Variants in TRAPPC6B observed in about 807,000 individuals in gnomAD.
TRAPPC6B encodes trafficking protein particle complex subunit 6B.
TRAPPC6B carries 27 observed loss-of-function variants against 24.7 expected under a neutral mutation model. The observed-to-expected ratio is 1.09, with a 90% CI of 0.81 to 1.51. TRAPPC6B has a LOEUF of 1.51. Among genes scored for constraint, TRAPPC6B ranks in the 40% most tolerant of loss-of-function variants. TRAPPC6B has a pLI of 0.00. For synonymous variants in TRAPPC6B, 80 were observed against 66.6 expected, an observed-to-expected ratio of 1.20 and a Z score of -0.98; for missense variants, 212 against 190.8, an observed-to-expected ratio of 1.11 and a Z score of -0.66.
intron 1 of TRAPPC6B, 31 bp downstream of exon 1, chr14:39,169,984 A>C: frequency 1.2e-6 from 2 of 1,610,340 alleles, no homozygotes; most frequent in Non-Finnish European, 1.7e-6. Context: ...GTCACCGCAA[A>C]AGGACCTCAA....
intron 1 of TRAPPC6B, among the ~76,000 whole-genome samples, chr14:39,164,203 A>G (rs1304054929): frequency 6.6e-6 from 1 of 152,134 alleles, no homozygotes; most frequent in Non-Finnish European, 1.5e-5. Flanking sequence ...AAAAAAAATC[A>G]TGTTATTCTC....
rs571004266 is a variant in TRAPPC6B at position 39,170,149 on chromosome 14, G to T, written c.-54C>A. On this transcript the variant is annotated 5_prime_UTR_variant, in exon 1 of 6. Transcript: ENST00000330149. ...TTTGGCTCCCGTTTGAGCTGGTCTG[G>T]GGGTTCCAGCTCGCGCCTCAGCGAC... is the stretch of plus-strand genomic sequence containing the variant. The T allele has an allele frequency of 2.9e-5, 46 of 1,575,954 alleles. No homozygotes were observed. In the South Asian group the frequency reaches 4.9e-4, roughly 17 times the overall value.
rs1001442072 is a variant in TRAPPC6B at position 39,151,789 on chromosome 14, T to G, written c.402A>C (p.Gly134=). The G allele has an allele frequency of 6.2e-7, 1 of 1,609,424 alleles. No homozygotes were observed. ...CTTCAGCTGTTACAATACTTTTTAT[T>G]CCCAAGTTTGATAAGCCACCTCTGA... is the stretch of plus-strand genomic sequence containing the variant. ...GLIRGGLSNL[G]IKSIVTAEVS... Residue 134 remains glycine (G), a synonymous_variant, in exon 5 of 6, where the codon GGA becomes GGC. Coordinates refer to ENST00000330149, the MANE Select transcript of TRAPPC6B (RefSeq NM_001079537.2).
Position 39,150,120 on chromosome 14 carries a change from T to G in TRAPPC6B, c.*230A>C. ...AAAGGTTTAAAATAAGGGCCCTGCATCTTGGTGTCTGGTTATTTGAAATCC... is the reference window on the plus strand; with the variant it reads ...AAAGGTTTAAAATAAGGGCCCTGCAGCTTGGTGTCTGGTTATTTGAAATCC... On this transcript the variant is annotated 3_prime_UTR_variant, in exon 6 of 6. Coordinates refer to ENST00000330149, the MANE Select transcript of TRAPPC6B (RefSeq NM_001079537.2). 2.3e-6 allele frequency: 1 copy of G among 436,458 alleles called. No individual in the cohort carries two copies. The highest frequency in any genetic ancestry group is 4.1e-5 in the East Asian group (1 of 24,224). 27.0% of individuals were successfully genotyped at this position (436,458 alleles called of 1,614,324 possible).
rs1334223799 is a variant in TRAPPC6B at position 39,148,076 on chromosome 14, G to A, written c.*2274C>T. 1 of 152,188 alleles carries A rather than the reference G, an allele frequency of 6.6e-6. No individual in the cohort carries two copies. The highest frequency in any genetic ancestry group is 1.5e-5 in the Non-Finnish European group (1 of 68,048). The allele number at this position is 152,188 out of a possible 1,614,324, so 9.4% of individuals were successfully genotyped here. A position where few individuals can be genotyped will look rare whatever the true frequency, so the allele number is the denominator to read the frequency against. ...AGTTCCTGGATTGGTTAATTCAGAA[G>A]CACAATTCAGGTGCTTTCTATCTAC... On this transcript the variant is annotated 3_prime_UTR_variant, in exon 6 of 6. Transcript: ENST00000330149.
chr14:39,158,449 A>G (rs1444884754), intron 2 of TRAPPC6B, 47 bp from the exon 3 acceptor site: 1 of 1,072,090 alleles, frequency 9.3e-7, no homozygotes, highest in South Asian at 1.4e-5. Flanking sequence ...CTCCAAAAAA[A>G]GCAAGAGGGA....
intron 4 of TRAPPC6B, 137 bp downstream of exon 4, chr14:39,154,074 T>C (rs2052947643): frequency 3.4e-6 from 2 of 580,164 alleles, no homozygotes; most frequent in Non-Finnish European, 6.1e-6. Flanking sequence ...ATGTCTCTCA[T>C]TTCATAGAAA....
rs1249050403 is a variant in TRAPPC6B at position 39,151,833 on chromosome 14, C to A, written c.358G>T (p.Ala120Ser). The change falls in exon 5 of 6, where the codon GCA (alanine) becomes TCA (serine). Residue 120 changes from alanine (A) to serine (S), a missense_variant. Transcript: ENST00000330149. ...CCTCTGATTAAGCCACACGTAAATG[C>A]TAAATACTAAAAGGAAAAAAAATCA... ...QYLEHASKYL[A>S]FTCGLIRGGL... is the part of the protein sequence containing the mutation. 2 of 1,591,296 alleles carry A rather than the reference C, an allele frequency of 1.3e-6. No homozygotes were observed. The highest frequency in any genetic ancestry group is 1.8e-5 in the Admixed American group (1 of 54,170).
intron 5 of TRAPPC6B, 82 bp from the exon 6 acceptor site, chr14:39,150,463 G>C: frequency 9.7e-7 from 1 of 1,032,040 alleles, no homozygotes; most frequent in Middle Eastern, 2.4e-4. Context: ...TTCCATATAG[G>C]AAATAGTTTC....
At chr14:39,160,718 T>C (rs2139384991) in intron 1 of TRAPPC6B, among the ~76,000 whole-genome samples, 1 of 152,208 alleles carries the variant, frequency 6.6e-6, no homozygotes, top group African/African-American at 2.4e-5. Flanking sequence ...TGTTTTCTCT[T>C]AGAAGAGGAG....
chr14:39,163,448 T>C (rs918482182), intron 1 of TRAPPC6B, among the ~76,000 whole-genome samples: 3 of 150,370 alleles, frequency 2.0e-5, no homozygotes, highest in Non-Finnish European at 4.4e-5. Flanking sequence ...CCACTCCCAA[T>C]TTACTTAATC....
At chr14:39,161,767 C>G (rs1199424224) in intron 1 of TRAPPC6B, among the ~76,000 whole-genome samples, 1 of 152,130 alleles carries the variant, frequency 6.6e-6, no homozygotes, top group Admixed American at 6.5e-5. Flanking sequence ...CTGCAGCACC[C>G]CAATGACTGT....
Position 39,170,286 on chromosome 14 carries a change from A to G in TRAPPC6B, c.-191T>C, listed in dbSNP as rs566602149. On this transcript the variant is annotated 5_prime_UTR_variant, in exon 1 of 6. Coordinates refer to ENST00000330149, the MANE Select transcript of TRAPPC6B (RefSeq NM_001079537.2). ...TACTGAAATGAGTCTGGTACTGGAG[A>G]GAGCCCACACTTCGGGGCTACCAAA... 3.4e-6 allele frequency: 2 copies of G among 585,702 alleles called. No individual in the cohort carries two copies. The highest frequency in any genetic ancestry group is 5.9e-5 in the East Asian group (2 of 34,028). 36.3% of individuals were successfully genotyped at this position (585,702 alleles called of 1,614,324 possible).
In TRAPPC6B at chr14:39,148,719, T is replaced by A. The variant is rs1012507843; in HGVS notation, c.*1631A>T. On this transcript the variant is annotated 3_prime_UTR_variant, in exon 6 of 6. Coordinates refer to ENST00000330149, the MANE Select transcript of TRAPPC6B (RefSeq NM_001079537.2). ...TTCCTAAATTTTTTCAAAATTAAAA[T>A]TTTTTCCCCAAAACATGTGAGAATT... is the stretch of plus-strand genomic sequence containing the variant. 2.5e-6 allele frequency: 1 copy of A among 398,486 alleles called. No homozygotes were observed. The highest frequency in any genetic ancestry group is 4.4e-6 in the Non-Finnish European group (1 of 226,008). 24.7% of individuals were successfully genotyped at this position (398,486 alleles called of 1,614,324 possible).
intron 4 of TRAPPC6B, among the ~76,000 whole-genome samples, chr14:39,152,258 T>C (rs1469098286): frequency 6.6e-6 from 1 of 152,212 alleles, no homozygotes; most frequent in Non-Finnish European, 1.5e-5. Context: ...TGCCTATTCT[T>C]TGAGCTTATC....
In TRAPPC6B at chr14:39,154,291, T is replaced by A; in HGVS notation, c.271A>T (p.Ile91Phe). The A allele has an allele frequency of 6.2e-7, 1 of 1,607,478 alleles. No individual in the cohort carries two copies. Among genetic ancestry groups the A allele is most frequent in the Non-Finnish European group, 8.5e-7 (1 of 1,175,596 alleles). The change falls in exon 4 of 6, where the codon ATC becomes TTC. Residue 91 changes from isoleucine to phenylalanine, a missense_variant. Transcript: ENST00000330149. ...IDNLRTNHQG[I>F]YVLQDNKFRL... ...AATTTGTTGTCCTGAAGTACATAGATGCCCTGTTCCAAAAATAGAAAAAAA... is the reference window on the plus strand; with the variant it reads ...AATTTGTTGTCCTGAAGTACATAGAAGCCCTGTTCCAAAAATAGAAAAAAA...
At chr14:39,154,905 C>T (rs551782712) in intron 3 of TRAPPC6B, among the ~76,000 whole-genome samples, 2 of 152,124 alleles carry the variant, frequency 1.3e-5, no homozygotes, top group African/African-American at 4.8e-5. Context: ...TAATACATGT[C>T]CACATGAAAT....
intron 1 of TRAPPC6B, among the ~76,000 whole-genome samples, chr14:39,167,388 T>TA (rs2053119319): frequency 6.6e-6 from 1 of 151,844 alleles, no homozygotes. Flanking sequence ...TTATTTCATT[T>TA]AAAAAAACTT....
chr14:39,151,014 C>G (rs1566544766), intron 5 of TRAPPC6B, among the ~76,000 whole-genome samples: 1 of 152,026 alleles, frequency 6.6e-6, no homozygotes, highest in Non-Finnish European at 1.5e-5. Context: ...GTGAAAAGAT[C>G]TTTAGGGAGA....
Sources: gnomAD v4.1 joint callset for allele counts (sites outside exome capture counted in the v4.1 genomes callset) on GRCh38, gnomAD v4.1.1 for gene constraint, MANE v1.5 for transcripts, NCBI Gene and HGNC (gene_info 2026-07-23, HGNC 2026-07-21) for gene names.